PHLDB2: variants seen among roughly 807,000 people sequenced by gnomAD.
PHLDB2 encodes the protein pleckstrin homology-like domain family B member 2.
PHLDB2 carries 71 observed loss-of-function variants against 123.6 expected under a neutral mutation model. That is an observed-to-expected ratio of 0.57 (90% CI 0.47 to 0.70). The LOEUF (loss-of-function observed/expected upper bound fraction) is 0.70, where lower values mean the gene tolerates loss of function less well. Ranked by LOEUF, PHLDB2 falls within the 30% of genes least tolerant of loss-of-function variation. PHLDB2 has a pLI of 0.00. For missense variants in PHLDB2, 1,446 were observed against 1,519.5 expected, an observed-to-expected ratio of 0.95 and a Z score of 0.80; for synonymous variants, 547 against 541.6, an observed-to-expected ratio of 1.01 and a Z score of -0.14.
chr3:111,794,804 A>G (rs921567292), intron 1 of PHLDB2, among the ~76,000 whole-genome samples: 3 of 152,170 alleles, frequency 2.0e-5, no homozygotes, highest in Non-Finnish European at 4.4e-5. Context: ...TGCCATTCTC[A>G]TCTTTGCTTG....
chr3:111,928,433 T>C (rs1016687132), intron 5 of PHLDB2, among the ~76,000 whole-genome samples: 1 of 152,224 alleles, frequency 6.6e-6, no homozygotes, highest in Non-Finnish European at 1.5e-5. Flanking sequence ...GATTTTAAAA[T>C]GCTTGTTACT....
At chr3:111,802,423 T>G (rs2061412438) in intron 1 of PHLDB2, among the ~76,000 whole-genome samples, 1 of 152,224 alleles carries the variant, frequency 6.6e-6, no homozygotes, top group African/African-American at 2.4e-5. Flanking sequence ...ATCTCAGGTC[T>G]TGGTTGAGAA....
chr3:111,810,926 T>A (rs1253206400), intron 1 of PHLDB2, among the ~76,000 whole-genome samples: 1 of 152,220 alleles, frequency 6.6e-6, no homozygotes, highest in Non-Finnish European at 1.5e-5. Flanking sequence ...TACAGTTGTA[T>A]CTGCACTAAA....
At chr3:111,956,270 A>C (rs1170251018) in intron 12 of PHLDB2, among the ~76,000 whole-genome samples, 1 of 152,228 alleles carries the variant, frequency 6.6e-6, no homozygotes, top group Admixed American at 6.5e-5. Flanking sequence ...TAAATAGATT[A>C]GCAAAACTCA....
chr3:111,767,879 C>T (rs913169276), intron 1 of PHLDB2, among the ~76,000 whole-genome samples: 3 of 151,966 alleles, frequency 2.0e-5, no homozygotes, highest in Non-Finnish European at 4.4e-5. Flanking sequence ...TAATTTTTGT[C>T]TTGACTTAGG....
intron 1 of PHLDB2, among the ~76,000 whole-genome samples, chr3:111,881,475 G>A (rs1398236012): frequency 1.3e-5 from 2 of 152,126 alleles, no homozygotes; most frequent in Non-Finnish European, 2.9e-5. Context: ...CTCATGCAGA[G>A]GTGATTAGCA....
chr3:111,953,366 G>A (rs1428567885), intron 11 of PHLDB2, among the ~76,000 whole-genome samples: 1 of 152,202 alleles, frequency 6.6e-6, no homozygotes, highest in Admixed American at 6.5e-5. Context: ...AGACTTTTGA[G>A]CCCTTCCCCT....
chr3:111,954,209 T>C lies in PHLDB2; in HGVS notation c.2872+180T>C, dbSNP rs1414048040. Among the ~76,000 whole-genome samples the C allele has an allele frequency of 2.6e-5, 4 of 152,308 alleles. No individual in the cohort carries two copies. The East Asian group carries it at 7.7e-4, about 29-fold the overall frequency. On this transcript the variant is annotated intron_variant, in intron 12 of 17. Transcript: ENST00000431670. ...AACTTTTCCTATTTATACATATAGC[T>C]GGTATATTTTAAACATTCCCGTTGT...
At chr3:111,802,795 A>G (rs1206789336) in intron 1 of PHLDB2, among the ~76,000 whole-genome samples, 1 of 152,194 alleles carries the variant, frequency 6.6e-6, no homozygotes, top group Non-Finnish European at 1.5e-5. Flanking sequence ...CTAGTTTATG[A>G]TCCTCTCTTC....
At chr3:111,896,409 A>G (rs558175508) in intron 2 of PHLDB2, among the ~76,000 whole-genome samples, 1 of 149,718 alleles carries the variant, frequency 6.7e-6, no homozygotes, top group African/African-American at 2.5e-5. Context: ...CAGTGGCGTG[A>G]TCTCAGCTCA....
intron 1 of PHLDB2, among the ~76,000 whole-genome samples, chr3:111,871,212 C>T (rs1295993): frequency 0.95 from 144,417 of 152,296 alleles, 68,875 homozygotes; most frequent in East Asian, 1. Flanking sequence ...TAATACGTTG[C>T]ATAATTTGGG....
At chr3:111,909,018 C>T (rs1265326106) in intron 2 of PHLDB2, among the ~76,000 whole-genome samples, 1 of 152,124 alleles carries the variant, frequency 6.6e-6, no homozygotes, top group African/African-American at 2.4e-5. Flanking sequence ...TTCCTCTTCC[C>T]CCAAAAGACC....
chr3:111,836,585 C>G (rs1429938666), intron 1 of PHLDB2, among the ~76,000 whole-genome samples: 4 of 152,086 alleles, frequency 2.6e-5, no homozygotes, highest in Non-Finnish European at 5.9e-5. Flanking sequence ...ACCAAAGAAT[C>G]TCGTATTAGT....
intron 2 of PHLDB2, among the ~76,000 whole-genome samples, chr3:111,894,151 A>C (rs2066675675): frequency 7.0e-6 from 1 of 143,116 alleles, no homozygotes; most frequent in South Asian, 2.3e-4. Flanking sequence ...ATGAGTGAGA[A>C]TATGCGGTGT....
intron 1 of PHLDB2, among the ~76,000 whole-genome samples, chr3:111,882,876 A>G (rs541163164): frequency 6.6e-6 from 1 of 152,346 alleles, no homozygotes; most frequent in East Asian, 1.9e-4. Flanking sequence ...CACCTATAGG[A>G]CAACAAGAGC....
At chr3:111,824,557 T>C (rs1042899195) in intron 1 of PHLDB2, among the ~76,000 whole-genome samples, 1 of 152,160 alleles carries the variant, frequency 6.6e-6, no homozygotes, top group Non-Finnish European at 1.5e-5. Flanking sequence ...TTGAGGGACC[T>C]TTCAGGAAGC....
intron 1 of PHLDB2, among the ~76,000 whole-genome samples, chr3:111,820,633 T>G (rs1369484659): frequency 5.9e-5 from 9 of 152,184 alleles, no homozygotes; most frequent in Admixed American, 5.9e-4. Context: ...CAGATCTAAA[T>G]GTATGTACCT....
At chr3:111,775,474 T>C (rs952084231) in intron 1 of PHLDB2, among the ~76,000 whole-genome samples, 2 of 152,114 alleles carry the variant, frequency 1.3e-5, no homozygotes, top group Non-Finnish European at 2.9e-5. Flanking sequence ...ATGCTAAATT[T>C]GATATAGCCC....
intron 14 of PHLDB2, among the ~76,000 whole-genome samples, chr3:111,966,937 G>A (rs923995680): frequency 3.0e-4 from 46 of 151,810 alleles, no homozygotes; most frequent in African/African-American, 4.8e-5. Flanking sequence ...GACATAGACC[G>A]AAATGAACAC....
Sources: allele counts gnomAD v4.1 joint callset (sites outside exome capture counted in the v4.1 genomes callset), GRCh38; gene constraint gnomAD v4.1.1; transcripts MANE v1.5; gene names NCBI Gene and HGNC (gene_info 2026-07-23, HGNC 2026-07-21).